Variants in GALNT13 observed in about 807,000 individuals in gnomAD.
The protein encoded by GALNT13 is polypeptide N-acetylgalactosaminyltransferase 13, also known as UDP-GalNAc:polypeptide N-acetylgalactosaminyltransferase 13.
In GALNT13, 28 loss-of-function variants were observed where a neutral mutation model predicts 64.2. That is an observed-to-expected ratio of 0.44 (90% CI 0.32 to 0.60). The LOEUF (loss-of-function observed/expected upper bound fraction) is 0.60, where lower values mean the gene tolerates loss of function less well. Among genes scored for constraint, GALNT13 ranks in the 20% least tolerant of loss-of-function variants. The pLI is 0.05. For missense variants in GALNT13, 577 were observed against 669.8 expected (o/e 0.86, Z 1.53); for synonymous variants, 214 against 224.6 (o/e 0.95, Z 0.42).
At chr2:154,238,910 T>C (rs1689334970) in intron 4 of GALNT13, among the ~76,000 whole-genome samples, 1 of 152,090 alleles carries the variant, frequency 6.6e-6, no homozygotes, top group Admixed American at 6.5e-5. Context: ...TTATTAATTA[T>C]AGTCACCATG....
chr2:153,393,709 C>T, the GALNT13 span, among the ~76,000 whole-genome samples: 107,331 of 151,654 alleles, frequency 0.71, 38,847 homozygotes, highest in Middle Eastern at 0.77. Flanking sequence ...GATAGGCAAC[C>T]CTCCATAATG....
the GALNT13 span, among the ~76,000 whole-genome samples, chr2:153,389,380 G>A: frequency 2.6e-5 from 4 of 152,106 alleles, no homozygotes; most frequent in South Asian, 2.1e-4. Flanking sequence ...CAGCAGGGAA[G>A]TGGAGCTGGG....
chr2:153,315,246 T>C, the GALNT13 span, among the ~76,000 whole-genome samples: 1 of 152,200 alleles, frequency 6.6e-6, no homozygotes, highest in Non-Finnish European at 1.5e-5. Flanking sequence ...TTCTCACCTT[T>C]CTGGAGGCTG....
chr2:154,049,535 A>G (rs895821831), intron 3 of GALNT13, among the ~76,000 whole-genome samples: 2 of 146,840 alleles, frequency 1.4e-5, no homozygotes, highest in South Asian at 4.2e-4. Context: ...ATATATATGT[A>G]TCACTACAGT....
chr2:153,242,702 AGT>A, the GALNT13 span, among the ~76,000 whole-genome samples: 5 of 152,184 alleles, frequency 3.3e-5, no homozygotes, highest in Admixed American at 1.3e-4. Context: ...TTCTGAAAAA[AGT>A]GTTTCTTCTC....
the GALNT13 span, among the ~76,000 whole-genome samples, chr2:153,630,793 ATATATATATATATATT>A: frequency 6.0e-4 from 8 of 13,254 alleles, no homozygotes; most frequent in African/African-American, 1.8e-3. Flanking sequence ...ATATATATAT[ATATATATATATATATT>A]TTTTTTTTTT....
At chr2:154,414,938 T>C (rs1393698145) in intron 11 of GALNT13, among the ~76,000 whole-genome samples, 1 of 151,916 alleles carries the variant, frequency 6.6e-6, no homozygotes, top group African/African-American at 2.4e-5. Context: ...TCAAAATTGG[T>C]ACTCAGATCA....
At chr2:153,295,527 T>TA in the GALNT13 span, among the ~76,000 whole-genome samples, 116 of 139,780 alleles carry the variant, frequency 8.3e-4, 1 homozygote, top group South Asian at 5.7e-3. Flanking sequence ...CTGGAGTACC[T>TA]AAAAAAAAAA....
At chr2:153,614,635 G>C in the GALNT13 span, among the ~76,000 whole-genome samples, 1 of 151,988 alleles carries the variant, frequency 6.6e-6, no homozygotes, top group Non-Finnish European at 1.5e-5. Context: ...TATAGTTTTT[G>C]TATTAATGAT....
At chr2:153,131,016 A>G in the GALNT13 span, among the ~76,000 whole-genome samples, 1 of 152,158 alleles carries the variant, frequency 6.6e-6, no homozygotes, top group African/African-American at 2.4e-5. Context: ...CCTTACATAC[A>G]CAGGAGAGAT....
intron 4 of GALNT13, among the ~76,000 whole-genome samples, chr2:154,228,136 T>C (rs1042848863): frequency 6.6e-6 from 1 of 152,104 alleles, no homozygotes; most frequent in Non-Finnish European, 1.5e-5. Flanking sequence ...TAGTTCTGTT[T>C]AGAAATAACT....
the GALNT13 span, among the ~76,000 whole-genome samples, chr2:153,193,991 T>G: frequency 6.6e-6 from 1 of 152,240 alleles, no homozygotes; most frequent in Non-Finnish European, 1.5e-5. Context: ...CCCTTATATG[T>G]GACTAGACAC....
the GALNT13 span, among the ~76,000 whole-genome samples, chr2:153,586,872 C>T: frequency 6.6e-6 from 1 of 151,892 alleles, no homozygotes; most frequent in African/African-American, 2.4e-5. Context: ...AAATCAATAG[C>T]AAGAGGAACT....
chr2:153,914,702 A>T (rs2105323325), intron 2 of GALNT13, among the ~76,000 whole-genome samples: 1 of 152,154 alleles, frequency 6.6e-6, no homozygotes, highest in East Asian at 1.9e-4. Context: ...CCGATGATTT[A>T]TATTGATATT....
chr2:154,335,920 T>G (rs562420873), intron 9 of GALNT13, among the ~76,000 whole-genome samples: 153 of 152,128 alleles, frequency 1.0e-3, no homozygotes, highest in Middle Eastern at 6.8e-3. Flanking sequence ...ATATTTCCAC[T>G]AAGTCTAAAT....
rs143824923 is a variant in GALNT13, at chr2:154,132,554, C to T, written c.143-7783C>T. Reference sequence around the variant, plus strand: ...ATGATATGTACACTTATAATGGGATCCATGCACAAACACACATGCATATAC... The same window carrying T: ...ATGATATGTACACTTATAATGGGATTCATGCACAAACACACATGCATATAC... On this transcript the variant is annotated intron_variant, in intron 3 of 12. Coordinates refer to ENST00000392825, the MANE Select transcript of GALNT13 (RefSeq NM_052917.4). Among the ~76,000 whole-genome samples, 84 of 152,016 alleles carry T rather than the reference C, an allele frequency of 5.5e-4. No homozygotes were observed. The East Asian group carries it at 0.015, about 28-fold the overall frequency.
chr2:153,670,555 A>G, the GALNT13 span, among the ~76,000 whole-genome samples: 6 of 152,346 alleles, frequency 3.9e-5, no homozygotes, highest in East Asian at 9.7e-4. Context: ...CCTCACCAAC[A>G]TCAAAGACCA....
the GALNT13 span, among the ~76,000 whole-genome samples, chr2:153,255,645 C>G: frequency 6.6e-6 from 1 of 152,056 alleles, no homozygotes; most frequent in South Asian, 2.1e-4. Context: ...TTCAGGAGCT[C>G]TTTTAGGGCA....
intron 9 of GALNT13, among the ~76,000 whole-genome samples, chr2:154,367,315 A>G (rs1326541006): frequency 1.3e-5 from 2 of 152,186 alleles, no homozygotes; most frequent in Non-Finnish European, 2.9e-5. Flanking sequence ...TCTAGAAATG[A>G]AAACAAAGAA....
Sources: allele counts gnomAD v4.1 joint callset (sites outside exome capture counted in the v4.1 genomes callset), GRCh38; gene constraint gnomAD v4.1.1; transcripts MANE v1.5; gene names NCBI Gene and HGNC (gene_info 2026-07-23, HGNC 2026-07-21).